Variants in CSMD1 observed in about 807,000 individuals in gnomAD.
CSMD1 encodes the protein CUB and Sushi multiple domains 1.
In CSMD1, 213 loss-of-function variants were observed where a neutral mutation model predicts 417.5. The ratio of observed to expected loss-of-function variants is 0.51; its 90% CI spans 0.46 to 0.57. The LOEUF is 0.57. Among genes scored for constraint, CSMD1 ranks in the 20% least tolerant of loss-of-function variants. The probability of loss-of-function intolerance (pLI) is 0.00; values close to 1 mark genes in which losing one functional copy is unlikely to be tolerated. For missense variants in CSMD1, 6,923 were observed against 4,529.7 expected, an observed-to-expected ratio of 1.53 and a Z score of -15.17; for synonymous variants, 2,862 against 1,736.8, an observed-to-expected ratio of 1.65 and a Z score of -16.11.
intron 3 of CSMD1, among the ~76,000 whole-genome samples, chr8:4,132,043 A>G (rs950430206): frequency 3.3e-5 from 5 of 152,126 alleles, no homozygotes; most frequent in African/African-American, 9.7e-5. Context: ...TCTTGATGGC[A>G]TAACAAAGGT....
intron 5 of CSMD1, among the ~76,000 whole-genome samples, chr8:3,844,930 A>C (rs562600861): frequency 2.0e-5 from 3 of 152,290 alleles, no homozygotes; most frequent in East Asian, 1.9e-4. Flanking sequence ...CTGCCATCAG[A>C]ATGCTTGATT....
At chr8:3,879,262 A>T (rs567344397) in intron 5 of CSMD1, among the ~76,000 whole-genome samples, 1 of 152,298 alleles carries the variant, frequency 6.6e-6, no homozygotes, top group African/African-American at 2.4e-5. Flanking sequence ...TATATTACAT[A>T]CTGTTCATCA....
At position 4,023,775 on chromosome 8, in the gene CSMD1, TTTTTTTTTTGTG is replaced by T. The variant is rs1371943051; in HGVS notation, c.610+8118_610+8129del. 1.5e-3 allele frequency among the ~76,000 whole-genome samples: 183 copies of T among 119,012 alleles called. 2 individuals carry two copies. Among genetic ancestry groups the T allele is most frequent in the East Asian group, 0.013 (33 of 2,480 alleles). The allele number at this position is 119,012 out of a possible 152,430, so 78.1% of individuals were successfully genotyped here. On this transcript the variant is annotated intron_variant, in intron 4 of 69. Transcript: ENST00000635120. ...CTAATTTTTTTTTTTTTTTTTTTTTTTTTTTTTTTGTGTGTGTATTTTTAGTAGAGACGGGGT... is the reference window on the plus strand; with the variant it reads ...CTAATTTTTTTTTTTTTTTTTTTTTTTGTGTATTTTTAGTAGAGACGGGGT...
intron 2 of CSMD1, among the ~76,000 whole-genome samples, chr8:4,521,698 T>C (rs1234320655): frequency 1.3e-5 from 2 of 152,172 alleles, no homozygotes; most frequent in Non-Finnish European, 2.9e-5. Context: ...ATTGCCCTCC[T>C]CTGGTATAAG....
intron 1 of CSMD1, among the ~76,000 whole-genome samples, chr8:4,983,666 G>A (rs1313625573): frequency 6.6e-6 from 1 of 152,036 alleles, no homozygotes; most frequent in African/African-American, 2.4e-5. Context: ...TGGATTACGG[G>A]TGCCAGCCAC....
At chr8:3,465,571 G>A (rs1170899627) in intron 12 of CSMD1, among the ~76,000 whole-genome samples, 1 of 152,096 alleles carries the variant, frequency 6.6e-6, no homozygotes, top group East Asian at 1.9e-4. Context: ...AGTGCCCAAG[G>A]TAGCAGAGAC....
At chr8:4,071,011 C>A (rs1482815972) in intron 3 of CSMD1, among the ~76,000 whole-genome samples, 1 of 152,154 alleles carries the variant, frequency 6.6e-6, no homozygotes, top group Non-Finnish European at 1.5e-5. Context: ...TTTTCTGTGG[C>A]TGCTTTCAAG....
intron 41 of CSMD1, chr8:3,127,244 T>A (rs1327293078): frequency 6.6e-6 from 1 of 152,210 alleles, no homozygotes; most frequent in African/African-American, 2.4e-5. Context: ...GAGGCATCTT[T>A]GTAAAGCCTT....
At chr8:3,761,634 T>C (rs1427007679) in intron 5 of CSMD1, among the ~76,000 whole-genome samples, 1 of 151,412 alleles carries the variant, frequency 6.6e-6, no homozygotes, top group Non-Finnish European at 1.5e-5. Flanking sequence ...GACTGCTGAG[T>C]ATCTGGGATT....
chr8:4,813,871 T>A (rs551628106), intron 1 of CSMD1, among the ~76,000 whole-genome samples: 111 of 152,318 alleles, frequency 7.3e-4, no homozygotes, highest in African/African-American at 2.6e-3. Context: ...TTTTGTGTGT[T>A]TTCCATTAGA....
chr8:3,630,254 A>T (rs1004840465), intron 7 of CSMD1, among the ~76,000 whole-genome samples: 1 of 152,172 alleles, frequency 6.6e-6, no homozygotes, highest in Admixed American at 6.5e-5. Context: ...ATAGGGTCAC[A>T]GTTGGACTCT....
chr8:4,788,596 G>C, intron 1 of CSMD1: 2 of 1,149,860 alleles, frequency 1.7e-6, no homozygotes, highest in South Asian at 3.6e-5. Context: ...AAGAAACAAT[G>C]CCATTGAAAT....
intron 25 of CSMD1, among the ~76,000 whole-genome samples, chr8:3,301,508 G>C (rs1166449971): frequency 1.3e-5 from 2 of 152,138 alleles, no homozygotes; most frequent in East Asian, 1.9e-4. Context: ...AATATTTCTG[G>C]ATGGGATAAT....
At chr8:4,042,888 G>A (rs1585192782) in intron 3 of CSMD1, among the ~76,000 whole-genome samples, 1 of 143,176 alleles carries the variant, frequency 7.0e-6, no homozygotes, top group Non-Finnish European at 1.5e-5. Context: ...AGTACTTTGG[G>A]AGGCTGAGGT....
At chr8:3,299,931 G>A (rs973757369) in intron 25 of CSMD1, among the ~76,000 whole-genome samples, 2 of 152,118 alleles carry the variant, frequency 1.3e-5, no homozygotes, top group African/African-American at 4.8e-5. Flanking sequence ...ATTTGGTAAT[G>A]GCTATAAAAA....
At chr8:3,626,459 G>C (rs75758171) in intron 7 of CSMD1, among the ~76,000 whole-genome samples, 2 of 151,942 alleles carry the variant, frequency 1.3e-5, no homozygotes, top group African/African-American at 4.8e-5. Context: ...GGAAAGAAAT[G>C]GGAAAAAGTC....
chr8:4,143,415 C>G (rs1324483785), intron 3 of CSMD1, among the ~76,000 whole-genome samples: 1 of 149,334 alleles, frequency 6.7e-6, no homozygotes, highest in Non-Finnish European at 1.5e-5. Context: ...TTAGGTGGAA[C>G]CCAGGCTGAA....
chr8:4,637,644 A>AGT (rs1563357444), intron 1 of CSMD1, 86 bp from the exon 2 acceptor site: 1 of 321,438 alleles, frequency 3.1e-6, no homozygotes, highest in Non-Finnish European at 5.1e-6. Context: ...ACTTTAGCCA[A>AGT]TTTTTTTTTT....
chr8:3,253,415 C>A (rs958306450), intron 26 of CSMD1, among the ~76,000 whole-genome samples: 1 of 152,082 alleles, frequency 6.6e-6, no homozygotes, highest in Non-Finnish European at 1.5e-5. Flanking sequence ...AATTTCTGTT[C>A]TTTTACATTT....
Sources: gnomAD v4.1 joint callset for allele counts (sites outside exome capture counted in the v4.1 genomes callset) on GRCh38, gnomAD v4.1.1 for gene constraint, MANE v1.5 for transcripts, NCBI Gene and HGNC (gene_info 2026-07-23, HGNC 2026-07-21) for gene names.